The following TYR variants were observed in gnomAD, a reference collection of about 807,000 sequenced individuals.
TYR encodes the protein tyrosinase.
A neutral mutation model predicts 51.5 loss-of-function variants in TYR; 58 were observed. The ratio of observed to expected loss-of-function variants is 1.13; its 90% CI spans 0.91 to 1.40. The LOEUF (loss-of-function observed/expected upper bound fraction) is 1.40, where lower values mean the gene tolerates loss of function less well. TYR is among the 40% of genes most tolerant of loss of function. The pLI is 0.00. For synonymous variants in TYR, 263 were observed against 235.2 expected (o/e 1.12, Z -1.08); for missense variants, 732 against 647.4 (o/e 1.13, Z -1.42).
At chr11:89,223,914 T>C (rs964545709) in intron 2 of TYR, among the ~76,000 whole-genome samples, 1 of 151,552 alleles carries the variant, frequency 6.6e-6, no homozygotes, top group Non-Finnish European at 1.5e-5. Context: ...AGCTGTTTTT[T>C]TTTTTTTCTT....
In TYR at chr11:89,178,217, C is replaced by T. The variant is rs769023842; in HGVS notation, c.264C>T (p.Thr88=). 2 of 1,614,162 alleles carry T rather than the reference C, an allele frequency of 1.2e-6. No individual in the cohort carries two copies. Among genetic ancestry groups the T allele is most frequent in the South Asian group, 1.1e-5 (1 of 91,082 alleles). Residue 88 remains threonine, a synonymous_variant, in exon 1 of 5, where the codon ACC becomes ACT. Coordinates refer to ENST00000263321, the MANE Select transcript of TYR (RefSeq NM_000372.5). The part of the protein sequence containing the change: ...ESWPSVFYNR[T]CQCSGNFMGF... ...GGCCTTCCGTCTTTTATAATAGGAC[C>T]TGCCAGTGCTCTGGCAACTTCATGG... is the stretch of plus-strand genomic sequence containing the variant.
At chr11:89,228,221 G>A (rs561700019) in intron 3 of TYR, among the ~76,000 whole-genome samples, 73 of 152,246 alleles carry the variant, frequency 4.8e-4, no homozygotes, top group African/African-American at 1.6e-3. Context: ...TAAAATAAGT[G>A]TACAATGTCA....
At chr11:89,223,908 G>T (rs1039236666) in intron 2 of TYR, among the ~76,000 whole-genome samples, 2 of 143,120 alleles carry the variant, frequency 1.4e-5, no homozygotes, top group South Asian at 2.3e-4. Flanking sequence ...TTCTTTAGCT[G>T]TTTTTTTTTT....
rs916859642 is a variant in TYR at position 89,264,717 on chromosome 11, C to T, written c.1185-20056C>T. On this transcript the variant is annotated intron_variant, in intron 3 of 4. Transcript: ENST00000263321. ...TAAAGAAAATGTGGTACACATACAC[C>T]GTGGAATACTATGCAGCCAAAAAAA... 6.1e-4 allele frequency among the ~76,000 whole-genome samples: 90 copies of T among 148,044 alleles called. 1 individual carries two copies. Among genetic ancestry groups the T allele is most frequent in the African/African-American group, 2.2e-3 (85 of 38,922 alleles).
At chr11:89,283,414 T>C (rs184214766) in intron 3 of TYR, among the ~76,000 whole-genome samples, 5 of 151,990 alleles carry the variant, frequency 3.3e-5, no homozygotes, top group Admixed American at 6.6e-5. Context: ...TTTGAAGCAT[T>C]ATCACTTCTT....
At chr11:89,180,710 G>A (rs79182658) in intron 1 of TYR, among the ~76,000 whole-genome samples, 2,234 of 152,172 alleles carry the variant, frequency 0.015, 49 homozygotes, top group African/African-American at 0.049. Context: ...AGAGAAACAA[G>A]CAAACCACAG....
chr11:89,225,265 CTTAT>C (rs1044894630), intron 2 of TYR, among the ~76,000 whole-genome samples: 30 of 151,978 alleles, frequency 2.0e-4, no homozygotes, highest in Admixed American at 1.6e-3. Context: ...ACCTCACATA[CTTAT>C]TTGAGTAGTA....
chr11:89,231,495 C>T lies in TYR; in HGVS notation c.1184+3525C>T, dbSNP rs1411711835. On this transcript the variant is annotated intron_variant, in intron 3 of 4. Transcript: ENST00000263321. ...GAAAACCCTCTCATTTGCAACAACACGGATGAACCTGGAGTTTAGTATGTG... is the reference window on the plus strand; with the variant it reads ...GAAAACCCTCTCATTTGCAACAACATGGATGAACCTGGAGTTTAGTATGTG... Among the ~76,000 whole-genome samples the T allele has an allele frequency of 4.2e-5, 6 of 142,900 alleles. 1 individual carries two copies. The highest frequency in any genetic ancestry group is 8.3e-5 in the African/African-American group (3 of 36,012). The allele number at this position is 142,900 out of a possible 152,430, so 93.7% of individuals were successfully genotyped here. A position where few individuals can be genotyped will look rare whatever the true frequency, so the allele number is the denominator to read the frequency against.
At chr11:89,243,083 A>T (rs1419584472) in intron 3 of TYR, among the ~76,000 whole-genome samples, 7 of 152,228 alleles carry the variant, frequency 4.6e-5, no homozygotes, top group Admixed American at 2.6e-4. Flanking sequence ...TTGAATAACT[A>T]TTCTTCAAAA....
intron 3 of TYR, among the ~76,000 whole-genome samples, chr11:89,251,859 G>A (rs1944333891): frequency 6.6e-6 from 1 of 151,832 alleles, no homozygotes; most frequent in Non-Finnish European, 1.5e-5. Flanking sequence ...TAATCAGACA[G>A]TTGCTCATAT....
chr11:89,236,167 A>G (rs149213187), intron 3 of TYR, among the ~76,000 whole-genome samples: 23 of 152,096 alleles, frequency 1.5e-4, no homozygotes, highest in African/African-American at 5.3e-4. Context: ...TTTAATAGCT[A>G]GCCGTTTGCA....
chr11:89,235,683 G>C (rs775910987), intron 3 of TYR, among the ~76,000 whole-genome samples: 1 of 151,980 alleles, frequency 6.6e-6, no homozygotes, highest in Non-Finnish European at 1.5e-5. Context: ...GAGTGGAAGG[G>C]GATGAATAGG....
At chr11:89,219,964 T>C (rs1244236071) in intron 2 of TYR, among the ~76,000 whole-genome samples, 3 of 152,130 alleles carry the variant, frequency 2.0e-5, no homozygotes, top group African/African-American at 7.2e-5. Flanking sequence ...GAACATCTAT[T>C]GTCTATTTTA....
At chr11:89,256,445 G>T (rs1469218999) in intron 3 of TYR, among the ~76,000 whole-genome samples, 1 of 142,792 alleles carries the variant, frequency 7.0e-6, no homozygotes, top group Admixed American at 6.9e-5. Flanking sequence ...AATGATAGAG[G>T]TATGTGTGTG....
chr11:89,191,423 T>C lies in TYR; in HGVS notation c.1036+5T>C. On this transcript the variant is annotated splice_donor_5th_base_variant and intron_variant, in intron 2 of 4. Transcript: ENST00000263321. ...GCTTTAGAAATACACTGGAAGGTAA[T>C]CTCTTTCTTTTCACTTTTAATTTTT... 1 of 1,611,898 alleles carries C rather than the reference T, an allele frequency of 6.2e-7. No homozygotes were observed. The highest frequency in any genetic ancestry group is 8.5e-7 in the Non-Finnish European group (1 of 1,178,198).
chr11:89,249,785 T>C (rs1170291822), intron 3 of TYR, among the ~76,000 whole-genome samples: 5 of 152,044 alleles, frequency 3.3e-5, no homozygotes, highest in Non-Finnish European at 5.9e-5. Flanking sequence ...TTATATGTTG[T>C]TGAAAATGAA....
intron 3 of TYR, among the ~76,000 whole-genome samples, chr11:89,273,380 G>A (rs546714505): frequency 5.9e-5 from 9 of 151,924 alleles, no homozygotes; most frequent in South Asian, 2.1e-4. Flanking sequence ...TGATGGGGGC[G>A]TGAGGGAAGG....
At chr11:89,278,623 T>G (rs138538493) in intron 3 of TYR, among the ~76,000 whole-genome samples, 4 of 151,788 alleles carry the variant, frequency 2.6e-5, no homozygotes, top group Admixed American at 1.3e-4. Flanking sequence ...TTATTTTATT[T>G]GTAAAAATGT....
At chr11:89,244,075 A>T (rs1243759853) in intron 3 of TYR, among the ~76,000 whole-genome samples, 1 of 152,168 alleles carries the variant, frequency 6.6e-6, no homozygotes, top group Non-Finnish European at 1.5e-5. Context: ...TGCAACAGAT[A>T]TGTACATTTT....
Sources: gnomAD v4.1 joint callset for allele counts (sites outside exome capture counted in the v4.1 genomes callset) on GRCh38, gnomAD v4.1.1 for gene constraint, MANE v1.5 for transcripts, NCBI Gene and HGNC (gene_info 2026-07-23, HGNC 2026-07-21) for gene names.